CACNA2D1: variants seen among roughly 807,000 people sequenced by gnomAD.
CACNA2D1 encodes the protein calcium voltage-gated channel auxiliary subunit alpha2delta 1, also known as voltage-dependent calcium channel subunit alpha-2/delta-1.
In CACNA2D1, 53 loss-of-function variants were observed where a neutral mutation model predicts 171.5. The ratio of observed to expected loss-of-function variants is 0.31; its 90% CI spans 0.25 to 0.39. The LOEUF (loss-of-function observed/expected upper bound fraction) is 0.39, where lower values mean the gene tolerates loss of function less well. CACNA2D1 is among the 10% of genes least tolerant of loss of function. The pLI is 1.00. For synonymous variants in CACNA2D1, 442 were observed against 443.1 expected, an observed-to-expected ratio of 1.00 and a Z score of 0.03; for missense variants, 903 against 1,299.8, an observed-to-expected ratio of 0.69 and a Z score of 4.69.
chr7:82,282,574 A>T (rs1012265685), intron 3 of CACNA2D1, among the ~76,000 whole-genome samples: 1 of 152,160 alleles, frequency 6.6e-6, no homozygotes, highest in Non-Finnish European at 1.5e-5. Context: ...ATTTCCCAGT[A>T]TACTTAACCT....
intron 12 of CACNA2D1, among the ~76,000 whole-genome samples, chr7:82,025,846 G>C (rs1289873004): frequency 6.6e-6 from 1 of 151,666 alleles, no homozygotes; most frequent in Non-Finnish European, 1.5e-5. Context: ...TTGATCATCT[G>C]TCTGGCTGTT....
chr7:81,967,546 A>T (rs1215567775), intron 30 of CACNA2D1, 50 bp downstream of exon 30: 4 of 986,642 alleles, frequency 4.1e-6, no homozygotes, highest in Admixed American at 3.9e-5. Flanking sequence ...TTTTCTATTG[A>T]ATTTTGAAAA....
intron 6 of CACNA2D1, among the ~76,000 whole-genome samples, chr7:82,090,474 T>C (rs892841353): frequency 6.6e-6 from 1 of 152,124 alleles, no homozygotes; most frequent in African/African-American, 2.4e-5. Flanking sequence ...CCATTTCATG[T>C]AATTTATAAT....
intron 5 of CACNA2D1, among the ~76,000 whole-genome samples, chr7:82,119,198 A>G (rs1480913047): frequency 6.6e-6 from 1 of 152,176 alleles, no homozygotes; most frequent in East Asian, 1.9e-4. Context: ...GTCTCCTTCC[A>G]GTGTTTTCTT....
intron 6 of CACNA2D1, among the ~76,000 whole-genome samples, chr7:82,105,650 A>G (rs902676983): frequency 2.6e-5 from 4 of 152,072 alleles, no homozygotes; most frequent in African/African-American, 4.8e-5. Flanking sequence ...CTTCTGCTCT[A>G]TACTCAAAGT....
rs77071270 is a variant in CACNA2D1, at chr7:82,355,925, T to C, written c.96-6276A>G. Among the ~76,000 whole-genome samples, 778 of 152,112 alleles carry C rather than the reference T, an allele frequency of 5.1e-3. 20 individuals are homozygous for C. In the East Asian group the frequency reaches 0.08, roughly 16 times the overall value. ...GATGTCCTACCATTCCTTTCAAATATGTATAAAATTGAACTCAATATCTTC... is the reference window on the plus strand; with the variant it reads ...GATGTCCTACCATTCCTTTCAAATACGTATAAAATTGAACTCAATATCTTC... On this transcript the variant is annotated intron_variant, in intron 1 of 38. Transcript: ENST00000356860.
intron 4 of CACNA2D1, 80 bp from the exon 5 acceptor site, chr7:82,136,756 A>G (rs1791669685): frequency 1.0e-6 from 1 of 952,482 alleles, no homozygotes. Flanking sequence ...TATGCATATT[A>G]TAAAATAAAC....
intron 3 of CACNA2D1, among the ~76,000 whole-genome samples, chr7:82,246,335 T>C (rs1254265858): frequency 6.6e-6 from 1 of 152,050 alleles, no homozygotes; most frequent in Non-Finnish European, 1.5e-5. Context: ...TTCTTGCTCA[T>C]ATGATAGCAG....
At position 82,438,061 on chromosome 7, in the gene CACNA2D1, T is replaced by G. The variant is rs573332322; in HGVS notation, c.95+5304A>C. ...CAAAACTGTCTTTAGAATCACTTTT[T>G]TAATTACTTGTCAATTATGTTAGTA... On this transcript the variant is annotated intron_variant, in intron 1 of 38. Coordinates refer to ENST00000356860, the MANE Select transcript of CACNA2D1 (RefSeq NM_000722.4). Among the ~76,000 whole-genome samples the G allele has an allele frequency of 2.6e-5, 4 of 152,314 alleles. No individual in the cohort carries two copies. In the East Asian group the frequency reaches 7.7e-4, roughly 29 times the overall value.
chr7:82,211,872 TTTTTG>T (rs532561661), intron 3 of CACNA2D1, among the ~76,000 whole-genome samples: 359 of 152,140 alleles, frequency 2.4e-3, no homozygotes, highest in African/African-American at 5.5e-3. Flanking sequence ...CAAACACCTG[TTTTTG>T]TTTTGTTTTG....
intron 4 of CACNA2D1, among the ~76,000 whole-genome samples, chr7:82,146,076 G>A (rs567611746): frequency 7.9e-5 from 12 of 151,572 alleles, no homozygotes; most frequent in African/African-American, 9.7e-5. Flanking sequence ...TAAGTTGTCC[G>A]GCATATTAAC....
chr7:81,963,003 T>C (rs1355092334), intron 34 of CACNA2D1, among the ~76,000 whole-genome samples: 1 of 151,928 alleles, frequency 6.6e-6, no homozygotes, highest in African/African-American at 2.4e-5. Context: ...ATTAGAGAGA[T>C]ACAGCACATT....
intron 4 of CACNA2D1, among the ~76,000 whole-genome samples, chr7:82,155,722 C>G (rs1794314748): frequency 6.6e-6 from 1 of 152,062 alleles, no homozygotes; most frequent in Non-Finnish European, 1.5e-5. Context: ...CCAACCAAAG[C>G]ATAATGCTGA....
intron 10 of CACNA2D1, among the ~76,000 whole-genome samples, chr7:82,041,940 TG>T (rs1352754072): frequency 6.6e-6 from 1 of 152,190 alleles, no homozygotes; most frequent in African/African-American, 2.4e-5. Context: ...CACTGAATAA[TG>T]TATTGCTCAG....
chr7:81,948,055 G>A lies in CACNA2D1; in HGVS notation c.*2337C>T, dbSNP rs1243642012. 2.6e-5 allele frequency: 4 copies of A among 151,658 alleles called. No individual in the cohort carries two copies. The highest frequency in any genetic ancestry group is 4.4e-5 in the Non-Finnish European group (3 of 67,798). 9.4% of individuals were successfully genotyped at this position (151,658 alleles called of 1,614,324 possible). On this transcript the variant is annotated 3_prime_UTR_variant, in exon 39 of 39. Transcript: ENST00000356860. ...ATGTAATTGATGAAAACATATACTC[G>A]ACATTAGCCATGAAAATATATTTAA...
chr7:81,970,174 A>G (rs1295784538), intron 27 of CACNA2D1, among the ~76,000 whole-genome samples, 190 bp from the exon 28 acceptor site: 1 of 151,480 alleles, frequency 6.6e-6, no homozygotes, highest in Non-Finnish European at 1.5e-5. Context: ...ATTAAGAATC[A>G]GAAAAAGCTA....
intron 1 of CACNA2D1, among the ~76,000 whole-genome samples, chr7:82,425,629 C>T (rs539664798): frequency 2.0e-5 from 3 of 150,110 alleles, no homozygotes; most frequent in South Asian, 4.2e-4. Context: ...GCAGCCCCAA[C>T]GTTCAGGCTC....
intron 3 of CACNA2D1, among the ~76,000 whole-genome samples, chr7:82,313,833 T>C (rs1002129033): frequency 2.0e-5 from 3 of 152,226 alleles, no homozygotes; most frequent in African/African-American, 4.8e-5. Context: ...TTATGGGTAA[T>C]AGGATTTCGA....
chr7:82,272,736 C>T (rs1321716004), intron 3 of CACNA2D1, among the ~76,000 whole-genome samples: 2 of 152,136 alleles, frequency 1.3e-5, no homozygotes, highest in Non-Finnish European at 2.9e-5. Flanking sequence ...TTTTGGTAAA[C>T]TTATTTCTGA....
Sources: allele counts gnomAD v4.1 joint callset (sites outside exome capture counted in the v4.1 genomes callset), GRCh38; gene constraint gnomAD v4.1.1; transcripts MANE v1.5; gene names NCBI Gene and HGNC (gene_info 2026-07-23, HGNC 2026-07-21).